Variants in CSMD1 observed in about 807,000 individuals in gnomAD.
CSMD1 encodes the protein CUB and Sushi multiple domains 1.
In CSMD1, 213 loss-of-function variants were observed where a neutral mutation model predicts 417.5. That is an observed-to-expected ratio of 0.51 (90% CI 0.46 to 0.57). CSMD1 has a LOEUF of 0.57. Ranked by LOEUF, CSMD1 falls within the 20% of genes least tolerant of loss-of-function variation. The probability of loss-of-function intolerance (pLI) is 0.00; values close to 1 mark genes in which losing one functional copy is unlikely to be tolerated. For missense variants in CSMD1, 6,923 were observed against 4,529.7 expected (o/e 1.53, Z -15.17); for synonymous variants, 2,862 against 1,736.8 (o/e 1.65, Z -16.11).
chr8:4,008,258 T>G (rs1456383190), intron 4 of CSMD1, among the ~76,000 whole-genome samples: 1 of 152,124 alleles, frequency 6.6e-6, no homozygotes, highest in African/African-American at 2.4e-5. Flanking sequence ...ATATAAAATA[T>G]GAAATGTATT....
chr8:3,548,209 C>G (rs2116757963), intron 10 of CSMD1, among the ~76,000 whole-genome samples: 1 of 152,314 alleles, frequency 6.6e-6, no homozygotes, highest in Non-Finnish European at 1.5e-5. Context: ...CCTCAAGCCA[C>G]AAGGGCTGAT....
At chr8:4,800,110 C>T (rs1043687929) in intron 1 of CSMD1, among the ~76,000 whole-genome samples, 2 of 152,032 alleles carry the variant, frequency 1.3e-5, no homozygotes, top group African/African-American at 4.8e-5. Context: ...TAAAGCGTAT[C>T]CTTTTTGTTT....
chr8:4,236,908 C>G (rs1427501066), intron 3 of CSMD1, among the ~76,000 whole-genome samples: 1 of 152,164 alleles, frequency 6.6e-6, no homozygotes, highest in Admixed American at 6.5e-5. Context: ...TTCCAGGCCT[C>G]TCAGCTAAAA....
At chr8:3,479,229 C>T (rs1817599224) in intron 11 of CSMD1, among the ~76,000 whole-genome samples, 1 of 152,158 alleles carries the variant, frequency 6.6e-6, no homozygotes, top group South Asian at 2.1e-4. Context: ...TACTTGCTTG[C>T]TAAAATATTA....
intron 5 of CSMD1, among the ~76,000 whole-genome samples, chr8:3,887,289 G>A (rs976619448): frequency 6.6e-6 from 1 of 152,142 alleles, no homozygotes; most frequent in East Asian, 1.9e-4. Flanking sequence ...GGAGGCCCAC[G>A]GTACATCCTC....
At chr8:4,345,088 G>T (rs189000042) in intron 3 of CSMD1, among the ~76,000 whole-genome samples, 1 of 152,144 alleles carries the variant, frequency 6.6e-6, no homozygotes, top group Admixed American at 6.6e-5. Flanking sequence ...TTAGAAAGAG[G>T]AGAAATGATG....
Position 3,365,115 on chromosome 8 carries a change from C to T in CSMD1, c.3115+1917G>A, listed in dbSNP as rs1585057240. Among the ~76,000 whole-genome samples the T allele has an allele frequency of 2.0e-5, 3 of 152,254 alleles. No individual in the cohort carries two copies. In the South Asian group the frequency reaches 6.2e-4, roughly 32 times the overall value. ...TCTCATAGCAATACTAATTGAGATA[C>T]ACCAGGGGAGAATGCAGAGAGAGAG... On this transcript the variant is annotated intron_variant, in intron 20 of 69. Coordinates refer to ENST00000635120, the MANE Select transcript of CSMD1 (RefSeq NM_033225.6).
At chr8:3,634,089 C>T (rs918480945) in intron 7 of CSMD1, among the ~76,000 whole-genome samples, 5 of 152,082 alleles carry the variant, frequency 3.3e-5, no homozygotes, top group East Asian at 1.9e-4. Context: ...GGGAGGGGGC[C>T]GTGCCCTGCC....
intron 23 of CSMD1, among the ~76,000 whole-genome samples, chr8:3,318,479 G>A (rs572984873): frequency 3.5e-4 from 54 of 152,288 alleles, no homozygotes; most frequent in African/African-American, 1.2e-3. Flanking sequence ...GAAACTCATA[G>A]TCTGTGTAGA....
intron 3 of CSMD1, among the ~76,000 whole-genome samples, chr8:4,353,878 T>C (rs537498493): frequency 6.6e-6 from 1 of 152,190 alleles, no homozygotes; most frequent in Non-Finnish European, 1.5e-5. Context: ...ACAGCAATAG[T>C]GCCAGGGAAA....
chr8:3,446,633 G>A (rs541829944), intron 12 of CSMD1, among the ~76,000 whole-genome samples: 3 of 152,274 alleles, frequency 2.0e-5, no homozygotes, highest in South Asian at 2.1e-4. Context: ...CAAAAGAAAC[G>A]CTGTTTGGGG....
At chr8:4,757,477 A>G (rs942770845) in intron 1 of CSMD1, among the ~76,000 whole-genome samples, 5 of 152,180 alleles carry the variant, frequency 3.3e-5, no homozygotes, top group African/African-American at 7.2e-5. Flanking sequence ...CATCAAACAG[A>G]TAATGAGTAC....
intron 5 of CSMD1, among the ~76,000 whole-genome samples, chr8:3,923,963 C>T (rs758770740): frequency 1.6e-4 from 24 of 152,154 alleles, no homozygotes; most frequent in Admixed American, 8.5e-4. Flanking sequence ...TTAGAATATT[C>T]TGAATTTGAC....
chr8:4,057,761 G>C (rs559775164), intron 3 of CSMD1, among the ~76,000 whole-genome samples: 1 of 152,030 alleles, frequency 6.6e-6, no homozygotes, highest in South Asian at 2.1e-4. Context: ...TGGCTAGCCA[G>C]TTTTCCCAGC....
chr8:4,732,344 C>CGTGTGTGTGTGTGTGTGTGTGT (rs750818272), intron 1 of CSMD1, among the ~76,000 whole-genome samples: 43 of 141,052 alleles, frequency 3.0e-4, no homozygotes, highest in Non-Finnish European at 5.0e-4. Context: ...ATTTCTTCTG[C>CGTGTGTGTGTGTGTGTGTGTGT]GTGTGTGTGT....
rs190892085 is a variant in CSMD1, at chr8:4,004,771, G to T, written c.611-6661C>A. Reference sequence around the variant, plus strand: ...TGTTTTGTTTTGTTTTTGAGATGGCGTCTCACTCTGTTGCCCAGGCTGGAG... The same window carrying T: ...TGTTTTGTTTTGTTTTTGAGATGGCTTCTCACTCTGTTGCCCAGGCTGGAG... On this transcript the variant is annotated intron_variant, in intron 4 of 69. Coordinates refer to ENST00000635120, the MANE Select transcript of CSMD1 (RefSeq NM_033225.6). Among the ~76,000 whole-genome samples, 49 of 152,072 alleles carry T rather than the reference G, an allele frequency of 3.2e-4. No individual in the cohort carries two copies. The South Asian group carries it at 9.8e-3, about 30-fold the overall frequency.
At chr8:3,346,388 G>T (rs752548507) in intron 22 of CSMD1, among the ~76,000 whole-genome samples, 1 of 152,110 alleles carries the variant, frequency 6.6e-6, no homozygotes, top group Non-Finnish European at 1.5e-5. Flanking sequence ...AAGGCTTACT[G>T]ACTTCTAAAT....
chr8:3,862,060 C>T (rs1305043562), intron 5 of CSMD1, among the ~76,000 whole-genome samples: 1 of 152,196 alleles, frequency 6.6e-6, no homozygotes, highest in African/African-American at 2.4e-5. Context: ...AAAGTTTTCT[C>T]TCCCATGTGC....
chr8:3,754,128 C>G (rs1345516077), intron 5 of CSMD1, 86 bp from the exon 6 acceptor site: 4 of 767,066 alleles, frequency 5.2e-6, no homozygotes, highest in Non-Finnish European at 8.8e-6. Flanking sequence ...AATCCGATTA[C>G]TTAAATCCTT....
Sources: gnomAD v4.1 joint callset for allele counts (sites outside exome capture counted in the v4.1 genomes callset) on GRCh38, gnomAD v4.1.1 for gene constraint, MANE v1.5 for transcripts, NCBI Gene and HGNC (gene_info 2026-07-23, HGNC 2026-07-21) for gene names.